Variants in SMYD3 observed in about 807,000 individuals in gnomAD.
The protein encoded by SMYD3 is SET and MYND domain containing 3.
In SMYD3, 36 loss-of-function variants were observed where a neutral mutation model predicts 57.7. The observed-to-expected ratio is 0.62, with a 90% CI of 0.48 to 0.82. The LOEUF (loss-of-function observed/expected upper bound fraction) is 0.82, where lower values mean the gene tolerates loss of function less well. SMYD3 is among the 40% of genes least tolerant of loss of function. The pLI, the probability that SMYD3 is intolerant of heterozygous loss-of-function variation, is 0.00. For missense variants in SMYD3, 515 were observed against 538.8 expected, an observed-to-expected ratio of 0.96 and a Z score of 0.44; for synonymous variants, 211 against 195.0, an observed-to-expected ratio of 1.08 and a Z score of -0.68.
chr1:245,791,392 T>C (rs987754700), intron 10 of SMYD3, among the ~76,000 whole-genome samples: 1 of 152,154 alleles, frequency 6.6e-6, no homozygotes, highest in African/African-American at 2.4e-5. Context: ...GCTAACACCA[T>C]GAGGATAAAT....
chr1:245,845,212 AC>A (rs2050605147), intron 10 of SMYD3, among the ~76,000 whole-genome samples: 1 of 152,212 alleles, frequency 6.6e-6, no homozygotes, highest in Admixed American at 6.5e-5. Flanking sequence ...TGAGGCATAT[AC>A]CCCACTGCGT....
chr1:246,202,175 G>A lies in SMYD3; in HGVS notation c.531+125026C>T, dbSNP rs1182665704. 2.0e-5 allele frequency among the ~76,000 whole-genome samples: 3 copies of A among 151,858 alleles called. No individual in the cohort carries two copies. Among genetic ancestry groups the A allele is most frequent in the Non-Finnish European group, 4.4e-5 (3 of 67,966 alleles). ...TTTACTTAACGATATTTTCTATAAT[G>A]TACTTTTATGATTTGAAATATTTTT... On this transcript the variant is annotated intron_variant, in intron 5 of 11. Coordinates refer to ENST00000490107, the MANE Select transcript of SMYD3 (RefSeq NM_001167740.2). This position sits in a 1 kb window ranked among gnomAD's most constrained non-coding sequence, Gnocchi z 4.1.
chr1:246,296,976 C>A lies in SMYD3; in HGVS notation c.531+30225G>T, dbSNP rs186453127. Reference sequence around the variant, plus strand: ...ATCGATGAATACAATAAAGGAAACTCATGAGTGATAGAGATTTGAGGAAAG... The same window carrying A: ...ATCGATGAATACAATAAAGGAAACTAATGAGTGATAGAGATTTGAGGAAAG... On this transcript the variant is annotated intron_variant, in intron 5 of 11. Coordinates refer to ENST00000490107, the MANE Select transcript of SMYD3 (RefSeq NM_001167740.2). 3.7e-3 allele frequency among the ~76,000 whole-genome samples: 565 copies of A among 152,170 alleles called. 2 individuals carry two copies. Among genetic ancestry groups the A allele is most frequent in the Non-Finnish European group, 6.0e-3 (409 of 68,000 alleles).
intron 5 of SMYD3, among the ~76,000 whole-genome samples, chr1:246,085,766 TAA>T (rs980209127): frequency 5.9e-5 from 9 of 152,102 alleles, no homozygotes; most frequent in African/African-American, 2.2e-4. Flanking sequence ...AAATTTCTAA[TAA>T]AATAAATTTT....
chr1:245,919,145 C>G (rs1171514776), intron 7 of SMYD3, among the ~76,000 whole-genome samples: 1 of 152,174 alleles, frequency 6.6e-6, no homozygotes, highest in Non-Finnish European at 1.5e-5. Flanking sequence ...TGCAGTGTAC[C>G]TTTCATCTTC....
chr1:246,453,215 C>T (rs1337060683), intron 1 of SMYD3, among the ~76,000 whole-genome samples: 1 of 152,180 alleles, frequency 6.6e-6, no homozygotes, highest in African/African-American at 2.4e-5. Context: ...TTAGTAGAAA[C>T]AGGCTTAACA....
chr1:245,765,824 A>G (rs1455789910), intron 10 of SMYD3, among the ~76,000 whole-genome samples: 2 of 152,134 alleles, frequency 1.3e-5, no homozygotes, highest in African/African-American at 2.4e-5. Flanking sequence ...AGGGCCTGCC[A>G]TGTGCCAGGC....
chr1:246,442,982 C>G (rs771022586), intron 1 of SMYD3, among the ~76,000 whole-genome samples: 16 of 152,162 alleles, frequency 1.1e-4, no homozygotes, highest in Non-Finnish European at 2.1e-4. Context: ...AGGCTCCCAA[C>G]TTCAGATTTT....
At chr1:246,288,059 A>ATTTTTTTTTTTT (rs1258559424) in intron 5 of SMYD3, among the ~76,000 whole-genome samples, 3 of 98,582 alleles carry the variant, frequency 3.0e-5, no homozygotes, top group Non-Finnish European at 4.1e-5. Context: ...CCATCAGGTA[A>ATTTTTTTTTTTT]TTCTTTTTTT....
chr1:246,194,474 G>A lies in SMYD3; in HGVS notation c.531+132727C>T, dbSNP rs544111180. Among the ~76,000 whole-genome samples, 20 of 152,074 alleles carry A rather than the reference G, an allele frequency of 1.3e-4. No homozygotes were observed. In the East Asian group the frequency reaches 3.1e-3, roughly 24 times the overall value. On this transcript the variant is annotated intron_variant, in intron 5 of 11. Coordinates refer to ENST00000490107, the MANE Select transcript of SMYD3 (RefSeq NM_001167740.2). ...AGTAGAGACAGGGTTTCACTATATC[G>A]GCCAGGCTGGTCTCGAACTCCCGAC...
chr1:245,818,612 G>C (rs1285267796), intron 10 of SMYD3, among the ~76,000 whole-genome samples: 11 of 151,810 alleles, frequency 7.2e-5, no homozygotes, highest in Non-Finnish European at 4.4e-5. Context: ...ATTGGATAAA[G>C]AGTCAAGACC....
intron 5 of SMYD3, among the ~76,000 whole-genome samples, chr1:246,285,000 G>A (rs4256780): frequency 0.14 from 21,432 of 150,972 alleles, 2,093 homozygotes; most frequent in East Asian, 0.42. Context: ...TTGGGGAACA[G>A]GTGGTATTTG....
At chr1:245,776,518 A>G (rs1440290218) in intron 10 of SMYD3, among the ~76,000 whole-genome samples, 1 of 152,248 alleles carries the variant, frequency 6.6e-6, no homozygotes, top group Admixed American at 6.5e-5. Flanking sequence ...ATCTGTATCT[A>G]CAATGTTGTT....
chr1:246,165,223 C>A lies in SMYD3; in HGVS notation c.531+161978G>T, dbSNP rs112257969. ...TAAGGACCTGAACGCCAGACTACAG[C>A]GGAGGTGACAAGAAGTAAGAAAGTG... On this transcript the variant is annotated intron_variant, in intron 5 of 11. Coordinates refer to ENST00000490107, the MANE Select transcript of SMYD3 (RefSeq NM_001167740.2). Among the ~76,000 whole-genome samples the A allele has an allele frequency of 7.7e-4, 117 of 152,134 alleles. 1 individual carries two copies. The highest frequency in any genetic ancestry group is 2.7e-3 in the African/African-American group (114 of 41,508).
At chr1:246,118,500 C>T (rs2061374812) in intron 5 of SMYD3, among the ~76,000 whole-genome samples, 1 of 152,200 alleles carries the variant, frequency 6.6e-6, no homozygotes, top group South Asian at 2.1e-4. Context: ...ATCCAAATGC[C>T]TCAAGCTAGA....
At position 245,830,391 on chromosome 1, in the gene SMYD3, T is replaced by C. The variant is rs535890751; in HGVS notation, c.1076+28105A>G. Among the ~76,000 whole-genome samples the C allele has an allele frequency of 2.0e-5, 3 of 152,314 alleles. No individual in the cohort carries two copies. The South Asian group carries it at 6.2e-4, about 32-fold the overall frequency. On this transcript the variant is annotated intron_variant, in intron 10 of 11. Coordinates refer to ENST00000490107, the MANE Select transcript of SMYD3 (RefSeq NM_001167740.2). Reference sequence around the variant, plus strand: ...CTCCCACTTATAAAACCATTAGATCTTGTGAAACTTATTCACTTCCAGGAG... The same window carrying C: ...CTCCCACTTATAAAACCATTAGATCCTGTGAAACTTATTCACTTCCAGGAG...
At chr1:245,929,219 C>T (rs1180385632) in intron 6 of SMYD3, among the ~76,000 whole-genome samples, 2 of 152,178 alleles carry the variant, frequency 1.3e-5, no homozygotes, top group Non-Finnish European at 2.9e-5. Flanking sequence ...TAGACCTGAC[C>T]TACAGTTAAT....
At chr1:246,182,843 T>C (rs1278421667) in intron 5 of SMYD3, among the ~76,000 whole-genome samples, 1 of 152,104 alleles carries the variant, frequency 6.6e-6, no homozygotes, top group Non-Finnish European at 1.5e-5. Context: ...CTTCCATTGC[T>C]CAAACCTAAA....
intron 1 of SMYD3, among the ~76,000 whole-genome samples, chr1:246,363,407 C>G (rs1004311933): frequency 2.4e-4 from 36 of 151,480 alleles, no homozygotes; most frequent in South Asian, 1.5e-3. Context: ...GCCACCACCC[C>G]GTCTGGGAGG....
Sources: gnomAD v4.1 joint callset for allele counts (sites outside exome capture counted in the v4.1 genomes callset) on GRCh38, gnomAD v4.1.1 for gene constraint, Gnocchi (gnomAD v3.1) non-coding constraint, MANE v1.5 for transcripts, NCBI Gene and HGNC (gene_info 2026-07-23, HGNC 2026-07-21) for gene names.